The following PLCH1 variants were observed in gnomAD, a reference collection of about 807,000 sequenced individuals.
PLCH1 encodes the protein phospholipase C eta 1.
A neutral mutation model predicts 126.7 loss-of-function variants in PLCH1; 60 were observed. That is an observed-to-expected ratio of 0.47 (90% CI 0.38 to 0.59). The LOEUF (loss-of-function observed/expected upper bound fraction) is 0.59, where lower values mean the gene tolerates loss of function less well. Ranked by LOEUF, PLCH1 falls within the 20% of genes least tolerant of loss-of-function variation. The pLI is 0.00. For synonymous variants in PLCH1, 719 were observed against 734.9 expected, an observed-to-expected ratio of 0.98 and a Z score of 0.35; for missense variants, 1,723 against 2,040.0, an observed-to-expected ratio of 0.84 and a Z score of 2.99.
chr3:155,647,097 G>T (rs1740147936), intron 2 of PLCH1, among the ~76,000 whole-genome samples: 1 of 151,922 alleles, frequency 6.6e-6, no homozygotes, highest in Non-Finnish European at 1.5e-5. Context: ...CTTCCTTTTT[G>T]ATTTCCAACT....
Position 155,485,345 on chromosome 3 carries a change from A to G in PLCH1, c.2974+11T>C. ...AAGGGTTTATTCTCAGAGAAACTTA[A>G]AGCATCTTACCTAGAGAGTTTTCTT... On this transcript the variant is annotated intron_variant, in intron 22 of 22. Coordinates refer to ENST00000460012, the MANE Select transcript of PLCH1 (RefSeq NM_014996.4). The G allele has an allele frequency of 6.4e-7, 1 of 1,562,626 alleles. No individual in the cohort carries two copies. Among genetic ancestry groups the G allele is most frequent in the Non-Finnish European group, 8.8e-7 (1 of 1,138,436 alleles).
At chr3:155,582,314 C>T (rs1730822850) in intron 6 of PLCH1, among the ~76,000 whole-genome samples, 1 of 151,646 alleles carries the variant, frequency 6.6e-6, no homozygotes, top group South Asian at 2.1e-4. Flanking sequence ...AACTCCTGAC[C>T]TCAGGTGATC....
intron 2 of PLCH1, among the ~76,000 whole-genome samples, chr3:155,685,008 T>C (rs1744824458): frequency 6.6e-6 from 1 of 152,200 alleles, no homozygotes; most frequent in African/African-American, 2.4e-5. Context: ...GTAAATTCCT[T>C]GAGAGCTAGA....
intron 2 of PLCH1, among the ~76,000 whole-genome samples, chr3:155,632,639 A>G (rs1040767960): frequency 1.3e-5 from 2 of 152,192 alleles, no homozygotes; most frequent in Admixed American, 1.3e-4. Context: ...CTGCTTAAAA[A>G]TCTTGCAAAT....
downstream of PLCH1, among the ~76,000 whole-genome samples, chr3:155,478,806 A>G (rs1713660706): frequency 1.3e-5 from 2 of 152,222 alleles, no homozygotes; most frequent in African/African-American, 4.8e-5. Context: ...CCATTTAAGA[A>G]CTTTAAGGAG....
At chr3:155,572,636 T>A in intron 6 of PLCH1, among the ~76,000 whole-genome samples, 1 of 152,246 alleles carries the variant, frequency 6.6e-6, no homozygotes, top group African/African-American at 2.4e-5. Flanking sequence ...CTATTTTCTC[T>A]TATTTTTTTC....
intron 21 of PLCH1, among the ~76,000 whole-genome samples, chr3:155,455,528 C>T (rs1368423362): frequency 2.6e-5 from 4 of 152,112 alleles, no homozygotes; most frequent in South Asian, 2.1e-4. Context: ...AATGTGGACA[C>T]CAACATTCAC....
chr3:155,711,957 C>A (rs1298829944), intron 1 of PLCH1, among the ~76,000 whole-genome samples: 1 of 152,188 alleles, frequency 6.6e-6, no homozygotes, highest in African/African-American at 2.4e-5. Context: ...TGGAAACAAA[C>A]CAAGTCGTGG....
chr3:155,727,016 G>A (rs988492282), intron 1 of PLCH1, among the ~76,000 whole-genome samples: 5 of 151,274 alleles, frequency 3.3e-5, no homozygotes, highest in South Asian at 2.1e-4. Context: ...CACTGCGCCC[G>A]GCTCAAATTC....
At chr3:155,611,713 C>A (rs1339190020) in intron 2 of PLCH1, among the ~76,000 whole-genome samples, 1 of 152,120 alleles carries the variant, frequency 6.6e-6, no homozygotes, top group Non-Finnish European at 1.5e-5. Flanking sequence ...GCAAAATATG[C>A]ATTTTTTTCT....
intron 2 of PLCH1, among the ~76,000 whole-genome samples, chr3:155,650,912 C>A (rs1740634266): frequency 6.6e-6 from 1 of 152,128 alleles, no homozygotes; most frequent in Non-Finnish European, 1.5e-5. Flanking sequence ...GTGGCAGGTG[C>A]CTGCAGTCCC....
At chr3:155,714,598 A>G (rs1190748157) in intron 1 of PLCH1, among the ~76,000 whole-genome samples, 2 of 152,204 alleles carry the variant, frequency 1.3e-5, no homozygotes, top group Non-Finnish European at 2.9e-5. Flanking sequence ...CTAAATCCCA[A>G]GTTCCTGGTG....
At position 155,481,095 on chromosome 3, in the gene PLCH1, A is replaced by T. The variant is rs956191291; in HGVS notation, c.4931T>A (p.Ile1644Asn). The change falls in exon 23 of 23, where the codon ATC becomes AAC. Residue 1644 changes from isoleucine (I) to asparagine (N), a missense_variant. Ile to Asn is a moderately radical substitution (Grantham distance 149). Transcript: ENST00000460012. The surrounding 1 kb of genome is among the most constrained non-coding windows in gnomAD (Gnocchi z 4.2). ...AAGAGCCGTGCATGCCCCCTCTGGG[A>T]TGCCCCGGCCTTCAAGGCCACCCCC... ...TKGGGLEGRG[I>N]PEGACTALHY... is the part of the protein sequence containing the mutation. 1 of 1,614,068 alleles carries T rather than the reference A, an allele frequency of 6.2e-7. No homozygotes were observed. Among genetic ancestry groups the T allele is most frequent in the Non-Finnish European group, 8.5e-7 (1 of 1,180,012 alleles).
Position 155,480,812 on chromosome 3 carries a change from G to A in PLCH1, c.*156C>T, listed in dbSNP as rs912643304. The stretch of plus-strand genomic sequence containing the variant: ...AATGTCACCAAATCTATATACAAAC[G>A]CATTAACAGGGAGAACACATGAAGT... On this transcript the variant is annotated 3_prime_UTR_variant, in exon 23 of 23. Transcript: ENST00000460012. 6 of 634,574 alleles carry A rather than the reference G, an allele frequency of 9.5e-6. No individual in the cohort carries two copies. The highest frequency in any genetic ancestry group is 5.4e-5 in the African/African-American group (3 of 55,128). The allele number at this position is 634,574 out of a possible 1,614,324, so 39.3% of individuals were successfully genotyped here.
intron 2 of PLCH1, among the ~76,000 whole-genome samples, chr3:155,637,931 G>A (rs1276731372): frequency 6.6e-6 from 1 of 152,026 alleles, no homozygotes; most frequent in Non-Finnish European, 1.5e-5. Context: ...GACATCCCTG[G>A]GTGCACTAGC....
At chr3:155,684,068 G>T (rs748400075) in intron 2 of PLCH1, among the ~76,000 whole-genome samples, 3 of 152,122 alleles carry the variant, frequency 2.0e-5, no homozygotes, top group Non-Finnish European at 4.4e-5. Context: ...TCTAATAAAA[G>T]GTAAATGATA....
At chr3:155,691,645 A>C (rs1745393034) in intron 2 of PLCH1, among the ~76,000 whole-genome samples, 1 of 152,218 alleles carries the variant, frequency 6.6e-6, no homozygotes, top group African/African-American at 2.4e-5. Flanking sequence ...AAGTCTCTGG[A>C]TACCACTTAG....
At chr3:155,678,174 G>T (rs573256453) in intron 2 of PLCH1, among the ~76,000 whole-genome samples, 24 of 152,278 alleles carry the variant, frequency 1.6e-4, no homozygotes, top group African/African-American at 5.3e-4. Flanking sequence ...TTACCCACTG[G>T]GAGTCTTGCT....
At chr3:155,721,048 G>T (rs970521528) in intron 1 of PLCH1, among the ~76,000 whole-genome samples, 13 of 152,200 alleles carry the variant, frequency 8.5e-5, no homozygotes, top group African/African-American at 3.1e-4. Context: ...TTCTTTCTGG[G>T]TTCTCTATTC....
Sources: gnomAD v4.1 joint callset for allele counts (sites outside exome capture counted in the v4.1 genomes callset) on GRCh38, gnomAD v4.1.1 for gene constraint, Gnocchi (gnomAD v3.1) non-coding constraint, MANE v1.5 for transcripts, NCBI Gene and HGNC (gene_info 2026-07-23, HGNC 2026-07-21) for gene names.